The following TWF2 variants were observed in gnomAD, a reference collection of about 807,000 sequenced individuals.
The protein encoded by TWF2 is twinfilin-2.
TWF2 carries 15 observed loss-of-function variants against 45.1 expected under a neutral mutation model. The observed-to-expected ratio is 0.33, with a 90% CI of 0.22 to 0.51. The LOEUF is 0.51. Ranked by LOEUF, TWF2 falls within the 20% of genes least tolerant of loss-of-function variation. TWF2 has a pLI of 0.97. For synonymous variants in TWF2, 177 were observed against 195.8 expected (o/e 0.90, Z 0.80); for missense variants, 423 against 469.1 (o/e 0.90, Z 0.91).
chr3:52,231,205 C>T lies in TWF2; in HGVS notation c.405G>A (p.Gln135=). 1 of 1,614,068 alleles carries T rather than the reference C, an allele frequency of 6.2e-7. No individual in the cohort carries two copies. The highest frequency in any genetic ancestry group is 8.5e-7 in the Non-Finnish European group (1 of 1,179,970). The change falls in exon 5 of 9, where the codon CAG becomes CAA. Residue 135 remains glutamine, a synonymous_variant. Coordinates refer to ENST00000305533, the MANE Select transcript of TWF2 (RefSeq NM_007284.4). ...GTGCCGCACAGGACGACAGGTGTTT[C>T]TGGTACCCAGCAAAAGAGAGGTCAT... The part of the protein sequence containing the change: ...VKDDLSFAGY[Q]KHLSSCAAPA...
intron 3 of TWF2, 69 bp from the exon 4 acceptor site, chr3:52,231,608 C>T: frequency 2.6e-6 from 4 of 1,510,874 alleles, no homozygotes; most frequent in Non-Finnish European, 3.6e-6. Context: ...AGACAGGTGC[C>T]TCTGGAGGAA....
chr3:52,230,876 G>A lies in TWF2; in HGVS notation c.603C>T (p.Ile201=). Residue 201 remains isoleucine, a synonymous_variant, in exon 6 of 9, where the codon ATC becomes ATT. Transcript: ENST00000305533. ...QQLKQKMVNY[I]QMKLDLERET... Reference sequence around the variant, plus strand: ...GTAGGGAGCAGGCACCCACCATCTGGATGTAGTTGACCATTTTCTGCTTGA... The same window carrying A: ...GTAGGGAGCAGGCACCCACCATCTGAATGTAGTTGACCATTTTCTGCTTGA... 6.2e-7 allele frequency: 1 copy of A among 1,611,636 alleles called. No individual in the cohort carries two copies. The highest frequency in any genetic ancestry group is 8.5e-7 in the Non-Finnish European group (1 of 1,178,994).
At chr3:52,238,937 G>GA in intron 1 of TWF2, 55 bp downstream of exon 1, 6 of 1,566,584 alleles carry the variant, frequency 3.8e-6, no homozygotes, top group South Asian at 1.1e-5. Context: ...GCCGGGGGGG[G>GA]GCGCTTCCGA....
At position 52,228,754 on chromosome 3, in the gene TWF2, C is replaced by T. The variant is rs1699649142; in HGVS notation, c.*280G>A. ...TGCTGGGACCCTAGTCTCAGCTCCC[C>T]GGGAGGCCAGGTTCATGCCAGGCCC... On this transcript the variant is annotated 3_prime_UTR_variant, in exon 9 of 9. Transcript: ENST00000305533. 8.3e-6 allele frequency: 4 copies of T among 479,770 alleles called. No homozygotes were observed. The highest frequency in any genetic ancestry group is 3.7e-5 in the Admixed American group (1 of 26,676). 29.7% of individuals were successfully genotyped at this position (479,770 alleles called of 1,614,324 possible). A position where few individuals can be genotyped will look rare whatever the true frequency, so the allele number is the denominator to read the frequency against.
rs751500371 is a variant in TWF2, at chr3:52,231,234, G to A, written c.379-3C>T. 8 of 1,614,056 alleles carry A rather than the reference G, an allele frequency of 5.0e-6. No homozygotes were observed. The highest frequency in any genetic ancestry group is 6.8e-6 in the Non-Finnish European group (8 of 1,179,938). ...TACCCAGCAAAAGAGAGGTCATCCT[G>A]CAGGGGTGGGGGTGAATGCAGAGCC... On this transcript the variant is annotated splice_polypyrimidine_tract_variant and splice_region_variant and intron_variant, in intron 4 of 8. Coordinates refer to ENST00000305533, the MANE Select transcript of TWF2 (RefSeq NM_007284.4).
In TWF2 at chr3:52,239,125, C is replaced by T; in HGVS notation, c.-109G>A. 2 of 1,311,444 alleles carry T rather than the reference C, an allele frequency of 1.5e-6. No homozygotes were observed. Among genetic ancestry groups the T allele is most frequent in the Non-Finnish European group, 1.0e-6 (1 of 999,902 alleles). 81.2% of individuals were successfully genotyped at this position (1,311,444 alleles called of 1,614,324 possible). On this transcript the variant is annotated 5_prime_UTR_variant, in exon 1 of 9. Coordinates refer to ENST00000305533, the MANE Select transcript of TWF2 (RefSeq NM_007284.4). Reference sequence around the variant, plus strand: ...GAGGATGTGGCGGAGGCTGTCGACCCTCGCGCAGCTTCCCGGGCGGTGCCG... The same window carrying T: ...GAGGATGTGGCGGAGGCTGTCGACCTTCGCGCAGCTTCCCGGGCGGTGCCG...
chr3:52,230,137 A>T, intron 6 of TWF2, 67 bp from the exon 7 acceptor site: 1 of 1,470,250 alleles, frequency 6.8e-7, no homozygotes, highest in Non-Finnish European at 9.0e-7. Flanking sequence ...TCTCCCCAGG[A>T]AGCCCTCAAA....
chr3:52,234,217 C>T (rs923150097), intron 2 of TWF2, among the ~76,000 whole-genome samples: 1 of 152,148 alleles, frequency 6.6e-6, no homozygotes, highest in African/African-American at 2.4e-5. Flanking sequence ...TTCAGGCAGC[C>T]ATCCAAAGTG....
chr3:52,229,442 G>A (rs1699657139), intron 8 of TWF2, among the ~76,000 whole-genome samples: 1 of 152,210 alleles, frequency 6.6e-6, no homozygotes, highest in Non-Finnish European at 1.5e-5. Flanking sequence ...CCAGGCCCAG[G>A]GAAAGGACAT....
chr3:52,231,319 C>T, intron 4 of TWF2, 88 bp from the exon 5 acceptor site: 2 of 1,577,550 alleles, frequency 1.3e-6, no homozygotes, highest in Non-Finnish European at 8.7e-7. Context: ...GCTTGCAGCC[C>T]TTGGACTCCC....
rs1699671762 is a variant in TWF2, at chr3:52,230,947, G to C, written c.532C>G (p.Leu178Val). ...GCCTCAGGCTGCAGGGGGAAGGCGA[G>C]GCCCTGCAGGGTCTGGTGCTTGCTT... ...VESKHQTLQGLAFPLQPEAQR... is the reference protein window; with the variant it reads ...VESKHQTLQGVAFPLQPEAQR... The change falls in exon 6 of 9, where the codon CTC becomes GTC. Residue 178 changes from leucine (L) to valine (V), a missense_variant. Leu to Val is a conservative substitution (Grantham distance 32). Transcript: ENST00000305533. 1.2e-6 allele frequency: 2 copies of C among 1,604,034 alleles called. No homozygotes were observed. Among genetic ancestry groups the C allele is most frequent in the Non-Finnish European group, 1.7e-6 (2 of 1,175,420 alleles).
In TWF2 at chr3:52,228,613, T is replaced by C. The variant is rs1330396723; in HGVS notation, c.*421A>G. On this transcript the variant is annotated 3_prime_UTR_variant, in exon 9 of 9. Coordinates refer to ENST00000305533, the MANE Select transcript of TWF2 (RefSeq NM_007284.4). ...GTCTCTCAGGGCCAAGCACAAGTCT[T>C]GATTTAAAAATATTTTATTCTTTAG... 4 of 167,640 alleles carry C rather than the reference T, an allele frequency of 2.4e-5. No homozygotes were observed. The highest frequency in any genetic ancestry group is 3.9e-5 in the Non-Finnish European group (3 of 77,554). 10.4% of individuals were successfully genotyped at this position (167,640 alleles called of 1,614,324 possible). A position where few individuals can be genotyped will look rare whatever the true frequency, so the allele number is the denominator to read the frequency against.
intron 1 of TWF2, among the ~76,000 whole-genome samples, chr3:52,236,101 G>C (rs1296510459): frequency 6.6e-6 from 1 of 152,092 alleles, no homozygotes; most frequent in Admixed American, 6.5e-5. Context: ...AGGAGTTCAA[G>C]ACCAGCCTGG....
At chr3:52,231,675 G>A (rs1559441040) in intron 3 of TWF2, 136 bp from the exon 4 acceptor site, 11 of 1,052,764 alleles carry the variant, frequency 1.0e-5, no homozygotes, top group East Asian at 5.1e-5. Flanking sequence ...GGGCCAGGAC[G>A]CAGCAGGTGG....
chr3:52,239,098 T>C lies in TWF2; in HGVS notation c.-82A>G. 1.3e-6 allele frequency: 2 copies of C among 1,509,936 alleles called. No homozygotes were observed. The highest frequency in any genetic ancestry group is 2.6e-5 in the East Asian group (1 of 39,102). The allele number at this position is 1,509,936 out of a possible 1,614,324, so 93.5% of individuals were successfully genotyped here. A position where few individuals can be genotyped will look rare whatever the true frequency, so the allele number is the denominator to read the frequency against. On this transcript the variant is annotated 5_prime_UTR_variant, in exon 1 of 9. Coordinates refer to ENST00000305533, the MANE Select transcript of TWF2 (RefSeq NM_007284.4). The stretch of plus-strand genomic sequence containing the variant: ...GCAACGCTCGCTGGACCAAGAGAGG[T>C]GGAGGATGTGGCGGAGGCTGTCGAC...
chr3:52,235,185 G>T, intron 1 of TWF2, 79 bp from the exon 2 acceptor site: 1 of 1,447,446 alleles, frequency 6.9e-7, no homozygotes, highest in Non-Finnish European at 9.6e-7. Flanking sequence ...CTGTCCCACA[G>T]GGTCTGGTGG....
chr3:52,231,893 C>T lies in TWF2; in HGVS notation c.282+51G>A, dbSNP rs374752795. On this transcript the variant is annotated intron_variant, in intron 3 of 8. Transcript: ENST00000305533. ...GATCCCCCAGGGCAAGGCCTTGTTG[C>T]CTGGCTCAGCCCCAGCTCCCCTCCT... 17 of 1,581,000 alleles carry T rather than the reference C, an allele frequency of 1.1e-5. No homozygotes were observed. In the African/African-American group the frequency reaches 2.1e-4, roughly 20 times the overall value.
chr3:52,231,375 T>C, intron 4 of TWF2, 69 bp downstream of exon 4: 1 of 1,591,016 alleles, frequency 6.3e-7, no homozygotes, highest in Non-Finnish European at 8.6e-7. Flanking sequence ...GCTTGCTCTC[T>C]GACCCTGCAC....
chr3:52,230,097 G>C, intron 6 of TWF2, 27 bp from the exon 7 acceptor site: 1 of 1,552,044 alleles, frequency 6.4e-7, no homozygotes, highest in South Asian at 1.2e-5. Context: ...GAAGATGGGA[G>C]AGCACCAGGT....
Sources: allele counts gnomAD v4.1 joint callset (sites outside exome capture counted in the v4.1 genomes callset), GRCh38; gene constraint gnomAD v4.1.1; transcripts MANE v1.5; gene names NCBI Gene and HGNC (gene_info 2026-07-23, HGNC 2026-07-21).